Variants in TRAPPC9 observed in about 807,000 individuals in gnomAD.
The protein encoded by TRAPPC9 is IKK2 binding protein.
In TRAPPC9, 83 loss-of-function variants were observed where a neutral mutation model predicts 124.0. The observed-to-expected ratio is 0.67, with a 90% CI of 0.56 to 0.80. The LOEUF (loss-of-function observed/expected upper bound fraction) is 0.80, where lower values mean the gene tolerates loss of function less well. Ranked by LOEUF, TRAPPC9 falls within the 30% of genes least tolerant of loss-of-function variation. The pLI, the probability that TRAPPC9 is intolerant of heterozygous loss-of-function variation, is 0.00. For missense variants in TRAPPC9, 1,302 were observed against 1,508.3 expected, an observed-to-expected ratio of 0.86 and a Z score of 2.27; for synonymous variants, 638 against 617.5, an observed-to-expected ratio of 1.03 and a Z score of -0.49.
chr8:139,990,817 C>A (rs935648006), intron 18 of TRAPPC9, among the ~76,000 whole-genome samples: 4 of 152,172 alleles, frequency 2.6e-5, no homozygotes, highest in Non-Finnish European at 4.4e-5. Context: ...AAACTCCTGA[C>A]CTCAGGTGAT....
intron 20 of TRAPPC9, among the ~76,000 whole-genome samples, chr8:139,894,563 G>T (rs563534879): frequency 2.1e-4 from 31 of 149,098 alleles, no homozygotes; most frequent in Non-Finnish European, 3.4e-4. Context: ...GCGGAGGGAG[G>T]GGGGGGCTGC....
At chr8:140,031,574 A>T (rs973525044) in intron 17 of TRAPPC9, among the ~76,000 whole-genome samples, 1 of 152,254 alleles carries the variant, frequency 6.6e-6, no homozygotes, top group African/African-American at 2.4e-5. Context: ...TCCACTTAAT[A>T]AGTCAAACAT....
At chr8:140,373,558 C>G in intron 7 of TRAPPC9, among the ~76,000 whole-genome samples, 1 of 152,056 alleles carries the variant, frequency 6.6e-6, no homozygotes, top group East Asian at 1.9e-4. Flanking sequence ...ACCTACATAT[C>G]GGATCTCTGC....
chr8:140,135,826 G>C (rs1342081019), intron 17 of TRAPPC9, among the ~76,000 whole-genome samples: 1 of 152,184 alleles, frequency 6.6e-6, no homozygotes, highest in African/African-American at 2.4e-5. Flanking sequence ...AACAAAACCA[G>C]GTAGCAGTCG....
intron 12 of TRAPPC9, among the ~76,000 whole-genome samples, chr8:140,289,163 G>C (rs1339654472): frequency 6.9e-6 from 1 of 145,582 alleles, no homozygotes; most frequent in African/African-American, 2.6e-5. Flanking sequence ...TATGGGTTTA[G>C]ATATATATAT....
chr8:140,376,947 C>T (rs2068458889), intron 7 of TRAPPC9, among the ~76,000 whole-genome samples: 1 of 151,838 alleles, frequency 6.6e-6, no homozygotes, highest in Non-Finnish European at 1.5e-5. Context: ...GGATGCTGTG[C>T]CCTATGCCTT....
At chr8:139,831,288 G>A (rs1481067192) in intron 21 of TRAPPC9, among the ~76,000 whole-genome samples, 1 of 152,120 alleles carries the variant, frequency 6.6e-6, no homozygotes, top group Non-Finnish European at 1.5e-5. Context: ...CTCTGAGGAG[G>A]ATCTGCTTGT....
intron 21 of TRAPPC9, among the ~76,000 whole-genome samples, chr8:139,883,202 C>T (rs1829786062): frequency 6.6e-6 from 1 of 152,204 alleles, no homozygotes; most frequent in Non-Finnish European, 1.5e-5. Context: ...CGCTCAGCTC[C>T]CTCGCCATGT....
intron 7 of TRAPPC9, among the ~76,000 whole-genome samples, chr8:140,387,864 C>T (rs1289643864): frequency 3.3e-5 from 5 of 152,118 alleles, no homozygotes; most frequent in African/African-American, 1.2e-4. Context: ...CCCAGCCATA[C>T]CACTACTGGG....
chr8:139,875,572 C>A (rs1024315190), intron 21 of TRAPPC9, among the ~76,000 whole-genome samples: 4 of 152,230 alleles, frequency 2.6e-5, no homozygotes, highest in Admixed American at 1.3e-4. Context: ...CTGGGCCATG[C>A]GACAGCCTTC....
chr8:139,981,789 G>A (rs1836914294), intron 19 of TRAPPC9, among the ~76,000 whole-genome samples: 1 of 152,194 alleles, frequency 6.6e-6, no homozygotes, highest in South Asian at 2.1e-4. Context: ...TGCCTGTGGG[G>A]CTCTTCCCTG....
At chr8:139,894,842 T>A (rs189869143) in intron 20 of TRAPPC9, among the ~76,000 whole-genome samples, 17 of 152,142 alleles carry the variant, frequency 1.1e-4, no homozygotes, top group Non-Finnish European at 2.1e-4. Flanking sequence ...CAGTGACCAA[T>A]CCTCACTGAA....
At chr8:140,029,555 C>T (rs892485187) in intron 17 of TRAPPC9, among the ~76,000 whole-genome samples, 1 of 151,964 alleles carries the variant, frequency 6.6e-6, no homozygotes, top group African/African-American at 2.4e-5. Flanking sequence ...TGTACTCCCA[C>T]ATTTTCTTAA....
chr8:140,222,576 C>T (rs554796856), intron 16 of TRAPPC9, among the ~76,000 whole-genome samples: 1 of 152,298 alleles, frequency 6.6e-6, no homozygotes, highest in African/African-American at 2.4e-5. Flanking sequence ...CACACCCTGC[C>T]CCTAGCACTC....
At chr8:139,924,860 G>A (rs951421376) in intron 19 of TRAPPC9, among the ~76,000 whole-genome samples, 1 of 152,160 alleles carries the variant, frequency 6.6e-6, no homozygotes, top group African/African-American at 2.4e-5. Context: ...AGAACTCAAG[G>A]GCTCATTACA....
At chr8:140,384,163 A>G (rs2068689016) in intron 7 of TRAPPC9, among the ~76,000 whole-genome samples, 1 of 152,234 alleles carries the variant, frequency 6.6e-6, no homozygotes, top group African/African-American at 2.4e-5. Flanking sequence ...TGAAGGAAGC[A>G]CTAAACATGG....
At chr8:139,885,006 C>G (rs1829913021) in intron 21 of TRAPPC9, among the ~76,000 whole-genome samples, 1 of 152,106 alleles carries the variant, frequency 6.6e-6, no homozygotes, top group African/African-American at 2.4e-5. Flanking sequence ...GTGTCTCTAG[C>G]CCATGAAAGG....
At chr8:139,933,340 C>T (rs907367040) in intron 19 of TRAPPC9, 1 of 152,272 alleles carries the variant, frequency 6.6e-6, no homozygotes, top group African/African-American at 2.4e-5. Context: ...ACATTATACG[C>T]AGTGCTGATA....
intron 17 of TRAPPC9, among the ~76,000 whole-genome samples, chr8:140,153,891 G>A (rs959353066): frequency 3.9e-5 from 6 of 152,016 alleles, no homozygotes; most frequent in Non-Finnish European, 7.4e-5. Context: ...GCTCTAACTG[G>A]CACCCAGAGC....
Sources: gnomAD v4.1 joint callset for allele counts (sites outside exome capture counted in the v4.1 genomes callset) on GRCh38, gnomAD v4.1.1 for gene constraint, MANE v1.5 for transcripts, NCBI Gene and HGNC (gene_info 2026-07-23, HGNC 2026-07-21) for gene names.